The following OR1J2 variants were observed in gnomAD, a reference collection of about 807,000 sequenced individuals.
OR1J2 encodes olfactory receptor 1J2.
For missense variants in OR1J2, 304 were observed against 246.1 expected (o/e 1.24, Z -1.57); for synonymous variants, 142 against 99.7 (o/e 1.42, Z -2.52).
At chr9:122,549,255 C>T in the OR1J2 span, among the ~76,000 whole-genome samples, 1 of 152,106 alleles carries the variant, frequency 6.6e-6, no homozygotes, top group Non-Finnish European at 1.5e-5. Context: ...CCTCTCTTGC[C>T]ATATGATATG....
the OR1J2 span, chr9:122,553,386 C>T: frequency 4.3e-6 from 7 of 1,614,148 alleles, no homozygotes; most frequent in Non-Finnish European, 5.9e-6. Context: ...CCCACACCTC[C>T]ATACTCCCAT....
At chr9:122,464,580 G>A in the OR1J2 span, among the ~76,000 whole-genome samples, 4 of 152,240 alleles carry the variant, frequency 2.6e-5, no homozygotes, top group Non-Finnish European at 5.9e-5. Flanking sequence ...GGGGCTGCAA[G>A]TTAGTTTTGC....
At chr9:122,452,433 A>T in the OR1J2 span, among the ~76,000 whole-genome samples, 1 of 152,162 alleles carries the variant, frequency 6.6e-6, no homozygotes, top group African/African-American at 2.4e-5. Flanking sequence ...TCCCATAAAC[A>T]TACCTCCTCT....
At chr9:122,502,822 CA>C in the OR1J2 span, among the ~76,000 whole-genome samples, 25 of 151,986 alleles carry the variant, frequency 1.6e-4, no homozygotes, top group African/African-American at 5.3e-4. Flanking sequence ...GCAAAAAGTT[CA>C]AGATACCAGA....
At chr9:122,519,081 T>G in the OR1J2 span, 15 of 1,145,484 alleles carry the variant, frequency 1.3e-5, no homozygotes, top group Middle Eastern at 2.0e-4. Flanking sequence ...TAAATCAACA[T>G]TTGTTTGTTT....
chr9:122,459,948 G>C, the OR1J2 span, among the ~76,000 whole-genome samples: 1 of 151,922 alleles, frequency 6.6e-6, no homozygotes, highest in Non-Finnish European at 1.5e-5. Context: ...GCAAATAATG[G>C]TAAAACCCAT....
the OR1J2 span, among the ~76,000 whole-genome samples, chr9:122,545,068 G>A: frequency 6.6e-6 from 1 of 151,762 alleles, no homozygotes; most frequent in Admixed American, 6.6e-5. Flanking sequence ...ATTTTCTAAT[G>A]TCCCTTAAAT....
downstream of OR1J2, among the ~76,000 whole-genome samples, chr9:122,516,608 A>G (rs1377996207): frequency 6.6e-6 from 1 of 152,024 alleles, no homozygotes; most frequent in Non-Finnish European, 1.5e-5. Flanking sequence ...CGGCCCATAC[A>G]TGGTCTTTAC....
Position 122,511,213 on chromosome 9 carries a change from GA to G in OR1J2, c.414del (p.Glu139SerfsTer6). 1 of 745,446 alleles carries G rather than the reference GA, an allele frequency of 1.3e-6. No individual in the cohort carries two copies. The highest frequency in any genetic ancestry group is 1.5e-5 in the South Asian group (1 of 66,998). 46.2% of individuals were successfully genotyped at this position (745,446 alleles called of 1,614,324 possible). On this transcript the variant is annotated frameshift_variant, in exon 1 of 1. Coordinates refer to ENST00000335302, the MANE Select transcript of OR1J2 (RefSeq NM_054107.1). LOFTEE classifies it low-confidence loss of function (END_TRUNC). ...HPLHYTVIMR[E>X]ELCVFLVAVS... Reference sequence around the variant, plus strand: ...TCTCCACTACACTGTCATCATGAGGGAAGAGCTCTGTGTCTTCTTAGTGGCT... The same window carrying G: ...TCTCCACTACACTGTCATCATGAGGGAGAGCTCTGTGTCTTCTTAGTGGCT...
At chr9:122,449,853 C>T in the OR1J2 span, among the ~76,000 whole-genome samples, 25 of 152,048 alleles carry the variant, frequency 1.6e-4, no homozygotes, top group Middle Eastern at 3.4e-3. Flanking sequence ...ATTACTGTTG[C>T]GTGAAATAAA....
At chr9:122,477,896 C>G in the OR1J2 span, 14 of 1,608,914 alleles carry the variant, frequency 8.7e-6, no homozygotes, top group Admixed American at 1.7e-5. Context: ...AGGAGGAACT[C>G]GGACACGCTG....
chr9:122,567,371 A>C, the OR1J2 span: 1 of 486,272 alleles, frequency 2.1e-6, no homozygotes, highest in African/African-American at 1.9e-5. Flanking sequence ...TTGTGATTTA[A>C]GAGATACAGG....
the OR1J2 span, among the ~76,000 whole-genome samples, chr9:122,545,318 CGTAA>C: frequency 4.0e-5 from 6 of 151,710 alleles, no homozygotes; most frequent in African/African-American, 1.2e-4. Flanking sequence ...TATGGTATTC[CGTAA>C]GTATCAATTA....
At chr9:122,470,016 G>C in the OR1J2 span, among the ~76,000 whole-genome samples, 1 of 152,172 alleles carries the variant, frequency 6.6e-6, no homozygotes, top group Non-Finnish European at 1.5e-5. Context: ...TTTGCAGCCG[G>C]ACAATGTCAT....
chr9:122,465,414 G>T, the OR1J2 span, among the ~76,000 whole-genome samples: 1 of 152,104 alleles, frequency 6.6e-6, no homozygotes, highest in Non-Finnish European at 1.5e-5. Flanking sequence ...CCTAAAGCAC[G>T]TAATTATAAT....
At chr9:122,532,959 T>A in the OR1J2 span, among the ~76,000 whole-genome samples, 1,126 of 151,712 alleles carry the variant, frequency 7.4e-3, 13 homozygotes, top group African/African-American at 0.026. Flanking sequence ...CAGATGAGGA[T>A]GAAATTTGGG....
At chr9:122,527,369 C>A in the OR1J2 span, 10 of 819,828 alleles carry the variant, frequency 1.2e-5, no homozygotes, top group East Asian at 2.6e-5. Flanking sequence ...GGCTGACTCC[C>A]AAATCTCCCT....
the OR1J2 span, among the ~76,000 whole-genome samples, chr9:122,535,492 T>C: frequency 1.3e-5 from 2 of 151,996 alleles, no homozygotes; most frequent in African/African-American, 4.8e-5. Flanking sequence ...ATGAAAGGAA[T>C]TGAAATTAAG....
At chr9:122,545,029 T>TAGG in the OR1J2 span, among the ~76,000 whole-genome samples, 2 of 152,184 alleles carry the variant, frequency 1.3e-5, no homozygotes, top group African/African-American at 4.8e-5. Context: ...ATTTTGGTGT[T>TAGG]ACATTTTTAA....
Sources: gnomAD v4.1 joint callset for allele counts (sites outside exome capture counted in the v4.1 genomes callset) on GRCh38, gnomAD v4.1.1 for gene constraint, MANE v1.5 for transcripts, NCBI Gene and HGNC (gene_info 2026-07-23, HGNC 2026-07-21) for gene names.